SLAMF9: variants seen among roughly 807,000 people sequenced by gnomAD.
The protein encoded by SLAMF9 is CD2 family member 10.
In SLAMF9, 25 loss-of-function variants were observed where a neutral mutation model predicts 30.4. The observed-to-expected ratio is 0.82, with a 90% CI of 0.60 to 1.15. The LOEUF (loss-of-function observed/expected upper bound fraction) is 1.15, where lower values mean the gene tolerates loss of function less well. Ranked by LOEUF, SLAMF9 falls within the 50% of genes most tolerant of loss-of-function variation. SLAMF9 has a pLI of 0.00. For synonymous variants in SLAMF9, 129 were observed against 127.2 expected, an observed-to-expected ratio of 1.01 and a Z score of -0.09; for missense variants, 344 against 346.1, an observed-to-expected ratio of 0.99 and a Z score of 0.05.
At chr1:159,954,251 A>G, upstream of SLAMF9, 1 of 1,247,838 alleles carries the variant, frequency 8.0e-7, no homozygotes, top group South Asian at 1.4e-5. Context: ...GGTCCTGAGA[A>G]AAGGGAAATA....
At chr1:159,963,757 A>AGCTAGT in the SLAMF9 span, among the ~76,000 whole-genome samples, 1 of 152,232 alleles carries the variant, frequency 6.6e-6, no homozygotes, top group South Asian at 2.1e-4. Context: ...TCAAGCTGAG[A>AGCTAGT]GCTAGTTAAA....
At chr1:159,983,179 G>A in the SLAMF9 span, 1 of 152,228 alleles carries the variant, frequency 6.6e-6, no homozygotes, top group South Asian at 2.1e-4. Context: ...CCCATCAGAG[G>A]AGGTTTAAGG....
At chr1:159,953,775 A>C in intron 1 of SLAMF9, 122 bp from the exon 2 acceptor site, 2 of 860,358 alleles carry the variant, frequency 2.3e-6, no homozygotes, top group Non-Finnish European at 3.5e-6. Flanking sequence ...CTCACACTAA[A>C]TCCTGTTCTC....
chr1:159,963,791 T>A, the SLAMF9 span, among the ~76,000 whole-genome samples: 192 of 152,278 alleles, frequency 1.3e-3, 1 homozygote, highest in African/African-American at 4.5e-3. Context: ...CCAGGCGCAG[T>A]GGCTCACACC....
At chr1:159,976,964 AAGAAAGAAGGAAAGAAG>A in the SLAMF9 span, 80 of 47,134 alleles carry the variant, frequency 1.7e-3, 1 homozygote, top group African/African-American at 3.5e-3. Flanking sequence ...AAGAAAGAGA[AAGAAAGAAGGAAAGAAG>A]GAAAGAAGGA....
upstream of SLAMF9, among the ~76,000 whole-genome samples, chr1:159,954,939 C>T (rs1305126693): frequency 6.6e-6 from 1 of 151,906 alleles, no homozygotes; most frequent in Non-Finnish European, 1.5e-5. Context: ...ATTAGCTGGG[C>T]ATGGTGGCGT....
the SLAMF9 span, among the ~76,000 whole-genome samples, chr1:159,959,288 C>T: frequency 6.6e-6 from 1 of 151,694 alleles, no homozygotes; most frequent in Non-Finnish European, 1.5e-5. Flanking sequence ...CCACTGGTTC[C>T]CTCTCTCTTA....
chr1:159,952,183 G>C, intron 3 of SLAMF9, 79 bp downstream of exon 3: 1 of 1,533,158 alleles, frequency 6.5e-7, no homozygotes, highest in Non-Finnish European at 8.9e-7. Context: ...GGCTCTCTTG[G>C]GAAGAGCTGG....
At chr1:159,963,381 A>G in the SLAMF9 span, among the ~76,000 whole-genome samples, 2 of 152,224 alleles carry the variant, frequency 1.3e-5, no homozygotes, top group African/African-American at 4.8e-5. Context: ...AGCTGGCAGC[A>G]CCAATCAGCC....
chr1:159,965,880 T>C, the SLAMF9 span, among the ~76,000 whole-genome samples: 1 of 152,238 alleles, frequency 6.6e-6, no homozygotes, highest in Non-Finnish European at 1.5e-5. Flanking sequence ...CAATGTGATG[T>C]TTTGATATAT....
chr1:159,969,227 A>G, the SLAMF9 span, among the ~76,000 whole-genome samples: 3 of 143,580 alleles, frequency 2.1e-5, no homozygotes, highest in Non-Finnish European at 4.6e-5. Flanking sequence ...AGCACTAGGG[A>G]TAGCCAATTT....
At chr1:159,960,374 G>A in the SLAMF9 span, among the ~76,000 whole-genome samples, 1 of 151,582 alleles carries the variant, frequency 6.6e-6, no homozygotes, top group Non-Finnish European at 1.5e-5. Flanking sequence ...CATCTACACT[G>A]CTGTGTGGGC....
chr1:159,955,729 C>T (rs552891264), upstream of SLAMF9, among the ~76,000 whole-genome samples: 3 of 152,176 alleles, frequency 2.0e-5, no homozygotes, highest in East Asian at 1.9e-4. Flanking sequence ...TATAATAAGG[C>T]GATTTGGCAA....
At chr1:159,963,069 C>T in the SLAMF9 span, among the ~76,000 whole-genome samples, 1 of 152,174 alleles carries the variant, frequency 6.6e-6, no homozygotes, top group Non-Finnish European at 1.5e-5. Context: ...CCTCTGGAAC[C>T]AAACTACTTG....
the SLAMF9 span, among the ~76,000 whole-genome samples, chr1:159,972,137 A>G: frequency 2.0e-5 from 3 of 152,086 alleles, no homozygotes; most frequent in Non-Finnish European, 4.4e-5. Context: ...AGGTCTCCCA[A>G]GCCCACATGC....
At chr1:159,960,337 A>G in the SLAMF9 span, among the ~76,000 whole-genome samples, 5 of 151,692 alleles carry the variant, frequency 3.3e-5, no homozygotes, top group East Asian at 9.7e-4. Flanking sequence ...CCTACAAAGG[A>G]CATAAACTCA....
the SLAMF9 span, among the ~76,000 whole-genome samples, chr1:159,960,172 C>T: frequency 7.7e-6 from 1 of 130,316 alleles, no homozygotes. Context: ...CCCCTCCCCC[C>T]ACCCCACAAC....
chr1:159,970,034 T>C, the SLAMF9 span, among the ~76,000 whole-genome samples: 1 of 152,064 alleles, frequency 6.6e-6, no homozygotes, highest in Non-Finnish European at 1.5e-5. Flanking sequence ...CACTCCAGTG[T>C]GGGTGACAGA....
At chr1:159,968,105 A>C in the SLAMF9 span, among the ~76,000 whole-genome samples, 1 of 152,176 alleles carries the variant, frequency 6.6e-6, no homozygotes, top group African/African-American at 2.4e-5. Context: ...TCTCTTGAAT[A>C]ATTGCTCTGG....
Sources: allele counts gnomAD v4.1 joint callset (sites outside exome capture counted in the v4.1 genomes callset), GRCh38; gene constraint gnomAD v4.1.1; transcripts MANE v1.5; gene names NCBI Gene and HGNC (gene_info 2026-07-23, HGNC 2026-07-21).